SGCZ: variants seen among roughly 807,000 people sequenced by gnomAD.
SGCZ encodes the protein zeta-sarcoglycan.
In SGCZ, 40 loss-of-function variants were observed where a neutral mutation model predicts 41.3. The ratio of observed to expected loss-of-function variants is 0.97; its 90% CI spans 0.75 to 1.26. SGCZ has a LOEUF of 1.26. Among genes scored for constraint, SGCZ ranks in the 50% most tolerant of loss-of-function variants. SGCZ has a pLI of 0.00. For synonymous variants in SGCZ, 206 were observed against 137.5 expected (o/e 1.50, Z -3.49); for missense variants, 552 against 369.8 (o/e 1.49, Z -4.04).
At chr8:15,020,785 G>A (rs950042253) in intron 1 of SGCZ, among the ~76,000 whole-genome samples, 10 of 152,130 alleles carry the variant, frequency 6.6e-5, no homozygotes, top group African/African-American at 2.2e-4. Flanking sequence ...ACACAACAGT[G>A]CTTATTTAAA....
intron 5 of SGCZ, among the ~76,000 whole-genome samples, chr8:14,114,329 G>C (rs1030264446): frequency 6.6e-6 from 1 of 151,948 alleles, no homozygotes; most frequent in African/African-American, 2.4e-5. Context: ...AACATCCTGC[G>C]ATGATTATCT....
intron 5 of SGCZ, among the ~76,000 whole-genome samples, chr8:14,132,127 A>G (rs1344106126): frequency 6.6e-6 from 1 of 152,070 alleles, no homozygotes; most frequent in African/African-American, 2.4e-5. Context: ...CCTGTCTTCA[A>G]CTTTCCTTAT....
At chr8:14,996,695 G>A (rs191607030) in intron 1 of SGCZ, among the ~76,000 whole-genome samples, 29 of 152,318 alleles carry the variant, frequency 1.9e-4, no homozygotes, top group Middle Eastern at 3.4e-3. Flanking sequence ...TTAGCAAACT[G>A]CATCAGAGGA....
chr8:14,550,642 C>T (rs1056666682), intron 2 of SGCZ, among the ~76,000 whole-genome samples: 2 of 151,720 alleles, frequency 1.3e-5, no homozygotes, highest in African/African-American at 4.8e-5. Flanking sequence ...AATACCATTG[C>T]GTAGATCACA....
chr8:14,115,008 T>C (rs531356410), intron 5 of SGCZ, among the ~76,000 whole-genome samples: 2 of 152,084 alleles, frequency 1.3e-5, no homozygotes, highest in East Asian at 3.9e-4. Context: ...TTTTTAAAAA[T>C]TGTACATAAA....
intron 1 of SGCZ, among the ~76,000 whole-genome samples, chr8:14,803,908 T>A (rs1042876585): frequency 1.2e-5 from 1 of 83,836 alleles, no homozygotes; most frequent in Non-Finnish European, 2.1e-5. Flanking sequence ...CCTCCTCAAG[T>A]GGGTTGCTGA....
At chr8:15,057,966 A>AT (rs1317717786) in intron 1 of SGCZ, among the ~76,000 whole-genome samples, 2 of 152,204 alleles carry the variant, frequency 1.3e-5, no homozygotes, top group Non-Finnish European at 2.9e-5. Flanking sequence ...CTGAGCTTAC[A>AT]TTCCGGTGCA....
intron 2 of SGCZ, among the ~76,000 whole-genome samples, chr8:14,376,545 C>A (rs1440586823): frequency 2.0e-5 from 3 of 151,986 alleles, no homozygotes; most frequent in Non-Finnish European, 2.9e-5. Context: ...TAGACTTTGA[C>A]AAAATAATCA....
chr8:14,705,052 T>G (rs1033836403), intron 1 of SGCZ, among the ~76,000 whole-genome samples: 29 of 152,008 alleles, frequency 1.9e-4, no homozygotes, highest in African/African-American at 7.0e-4. Flanking sequence ...TATTGTTAAT[T>G]TCGAAGCTGA....
chr8:14,584,069 T>G lies in SGCZ; in HGVS notation c.40-29143A>C, dbSNP rs1011722780. On this transcript the variant is annotated intron_variant, in intron 1 of 7. Coordinates refer to ENST00000382080, the MANE Select transcript of SGCZ (RefSeq NM_139167.4). ...AGTCCTATTCTTTATCTCAGGGAGCTCAACATTTACTTAAATATTAAACGT... is the reference window on the plus strand; with the variant it reads ...AGTCCTATTCTTTATCTCAGGGAGCGCAACATTTACTTAAATATTAAACGT... Among the ~76,000 whole-genome samples, 7 of 152,248 alleles carry G rather than the reference T, an allele frequency of 4.6e-5. No homozygotes were observed. In the South Asian group the frequency reaches 6.2e-4, roughly 14 times the overall value.
At chr8:14,367,405 C>T (rs944030669) in intron 2 of SGCZ, among the ~76,000 whole-genome samples, 1 of 152,066 alleles carries the variant, frequency 6.6e-6, no homozygotes, top group Non-Finnish European at 1.5e-5. Context: ...TCCAAGGTCG[C>T]TTCCACATTT....
At chr8:14,449,161 A>G (rs904440771) in intron 2 of SGCZ, among the ~76,000 whole-genome samples, 1 of 152,132 alleles carries the variant, frequency 6.6e-6, no homozygotes, top group Non-Finnish European at 1.5e-5. Context: ...GATTTTACCA[A>G]CCTTATCACA....
intron 2 of SGCZ, among the ~76,000 whole-genome samples, chr8:14,519,836 A>G (rs1478371111): frequency 1.3e-5 from 2 of 152,136 alleles, no homozygotes; most frequent in East Asian, 1.9e-4. Context: ...AGCGTGGCAT[A>G]CCACTGATCG....
intron 1 of SGCZ, among the ~76,000 whole-genome samples, chr8:14,936,897 T>C (rs2130813894): frequency 6.6e-6 from 1 of 151,848 alleles, no homozygotes; most frequent in Admixed American, 6.6e-5. Flanking sequence ...TACACTAAAA[T>C]GATATTTATT....
intron 1 of SGCZ, among the ~76,000 whole-genome samples, chr8:14,894,149 A>C (rs1225306312): frequency 6.6e-6 from 1 of 152,200 alleles, no homozygotes; most frequent in Non-Finnish European, 1.5e-5. Flanking sequence ...AATATAAAAT[A>C]TTCACTAAAT....
intron 1 of SGCZ, among the ~76,000 whole-genome samples, chr8:14,738,822 G>T (rs1373864217): frequency 6.6e-6 from 1 of 151,966 alleles, no homozygotes; most frequent in Non-Finnish European, 1.5e-5. Flanking sequence ...AAAATGAGAG[G>T]GAGAACGGGC....
chr8:14,578,486 T>C (rs1321715510), intron 1 of SGCZ, among the ~76,000 whole-genome samples: 1 of 152,220 alleles, frequency 6.6e-6, no homozygotes, highest in Non-Finnish European at 1.5e-5. Flanking sequence ...CTAAATAACA[T>C]ATCAGAGTTA....
intron 2 of SGCZ, among the ~76,000 whole-genome samples, chr8:14,388,647 A>G (rs1804657217): frequency 6.6e-6 from 1 of 152,110 alleles, no homozygotes; most frequent in African/African-American, 2.4e-5. Context: ...TAGTTCAGAT[A>G]GAATAAACTC....
At chr8:14,626,219 G>A (rs558397489) in intron 1 of SGCZ, among the ~76,000 whole-genome samples, 1 of 152,138 alleles carries the variant, frequency 6.6e-6, no homozygotes, top group East Asian at 1.9e-4. Context: ...AGGTAAACGT[G>A]TGTCATGGTG....
Sources: gnomAD v4.1 joint callset for allele counts (sites outside exome capture counted in the v4.1 genomes callset) on GRCh38, gnomAD v4.1.1 for gene constraint, MANE v1.5 for transcripts, NCBI Gene and HGNC (gene_info 2026-07-23, HGNC 2026-07-21) for gene names.